The following SLC16A2 variants were observed in gnomAD, a reference collection of about 807,000 sequenced individuals.
SLC16A2 encodes monocarboxylate transporter 8.
Under a neutral mutation model 27.2 loss-of-function variants are expected in SLC16A2, and 3 were observed. That is an observed-to-expected ratio of 0.11 (90% confidence interval 0.05 to 0.28). The LOEUF is 0.28. SLC16A2 is among the 10% of genes least tolerant of loss of function. SLC16A2 has a pLI of 1.00. For synonymous variants in SLC16A2, 202 were observed against 187.8 expected, an observed-to-expected ratio of 1.08 and a Z score of -0.62; for missense variants, 295 against 458.5, an observed-to-expected ratio of 0.64 and a Z score of 3.26.
intron 1 of SLC16A2, among the ~76,000 whole-genome samples, chrX:74,433,609 C>A (rs1297003902): frequency 2.7e-5 from 3 of 111,442 alleles, no homozygotes; most frequent in Non-Finnish European, 5.6e-5. Flanking sequence ...TGTGGTATGC[C>A]CTACTTGTAA....
intron 1 of SLC16A2, among the ~76,000 whole-genome samples, chrX:74,496,632 G>T (rs1929942196): frequency 1.8e-5 from 2 of 112,240 alleles, no homozygotes; most frequent in Admixed American, 9.4e-5. Flanking sequence ...GCTGTGTCCT[G>T]GTGAAGATCA....
chrX:74,454,526 A>G (rs952529463), intron 1 of SLC16A2, among the ~76,000 whole-genome samples: 34 of 101,995 alleles, frequency 3.3e-4, no homozygotes, highest in African/African-American at 9.7e-4. Flanking sequence ...GAATTGAACA[A>G]TGAGAACACA....
chrX:74,442,000 G>A (rs751878381), intron 1 of SLC16A2, among the ~76,000 whole-genome samples: 1 of 109,984 alleles, frequency 9.1e-6, no homozygotes, highest in South Asian at 4.0e-4. Context: ...AGGCCGAGGC[G>A]GGTGGATCAC....
At chrX:74,454,585 G>A (rs1336845229) in intron 1 of SLC16A2, among the ~76,000 whole-genome samples, 5 of 101,396 alleles carry the variant, frequency 4.9e-5, no homozygotes, top group East Asian at 3.2e-4. Context: ...TGTGGGGTGC[G>A]GGGAGGGGGG....
At chrX:74,496,625 G>C (rs1185497785) in intron 1 of SLC16A2, among the ~76,000 whole-genome samples, 4 of 112,369 alleles carry the variant, frequency 3.6e-5, no homozygotes, top group Non-Finnish European at 7.5e-5. Context: ...GCTGCAGGCT[G>C]TGTCCTGGTG....
chrX:74,465,548 G>A (rs1291212462), intron 1 of SLC16A2, among the ~76,000 whole-genome samples: 1 of 111,476 alleles, frequency 9.0e-6, no homozygotes, highest in South Asian at 3.8e-4. Flanking sequence ...AGGCTGCCTG[G>A]GGAGTTGGGA....
chrX:74,428,585 A>ACTGTGG (rs1928463865), intron 1 of SLC16A2, among the ~76,000 whole-genome samples: 6 of 110,935 alleles, frequency 5.4e-5, no homozygotes, highest in Non-Finnish European at 1.1e-4. Flanking sequence ...TGCCAGAGTC[A>ACTGTGG]CAGGCCCACT....
intron 1 of SLC16A2, among the ~76,000 whole-genome samples, chrX:74,464,100 G>A (rs947866023): frequency 1.8e-5 from 2 of 112,215 alleles, no homozygotes; most frequent in Non-Finnish European, 3.8e-5. Flanking sequence ...AGAATAAGGT[G>A]TGTATCAATA....
chrX:74,497,303 G>A lies in SLC16A2; in HGVS notation c.431-23687G>A, dbSNP rs192348663. On this transcript the variant is annotated intron_variant, in intron 1 of 5. Transcript: ENST00000587091. ...TATCACTGGCTGTGCCCATTTCTGG[G>A]GGAGTCAGTTCTGGTTGCTTGGAGA... Among the ~76,000 whole-genome samples the A allele has an allele frequency of 4.5e-5, 5 of 111,061 alleles. No individual in the cohort carries two copies. In the Admixed American group the frequency reaches 4.8e-4, roughly 11 times the overall value.
At chrX:74,453,500 C>T (rs1360938376) in intron 1 of SLC16A2, among the ~76,000 whole-genome samples, 3 of 111,616 alleles carry the variant, frequency 2.7e-5, no homozygotes, top group Non-Finnish European at 5.6e-5. Flanking sequence ...TGCATTTAAA[C>T]CCCACGTAGC....
Position 74,510,383 on chromosome X carries a change from T to TA in SLC16A2, c.431-10595dup, listed in dbSNP as rs763417269. Among the ~76,000 whole-genome samples, 595 of 100,947 alleles carry TA rather than the reference T, an allele frequency of 5.9e-3. 1 individual carries two copies. Among genetic ancestry groups the TA allele is most frequent in the African/African-American group, 0.016 (449 of 27,938 alleles). The allele number at this position is 100,947 out of a possible 115,157, so 87.7% of individuals were successfully genotyped here. On this transcript the variant is annotated intron_variant, in intron 1 of 5. Coordinates refer to ENST00000587091, the MANE Select transcript of SLC16A2 (RefSeq NM_006517.5). ...TTCTCCCAACACTGGTGTGTTTTAG[T>TA]AAAAAAAAAAAACAAAACAAAACAC...
At position 74,421,514 on chromosome X, in the gene SLC16A2, T is replaced by C. The variant is rs771114990; in HGVS notation, c.-124T>C. Reference sequence around the variant, plus strand: ...GGCTGGCCAGCTGGGGCGCGGAGCCTGGAGGAGGAGGCAGCGGCAGCGGCA... The same window carrying C: ...GGCTGGCCAGCTGGGGCGCGGAGCCCGGAGGAGGAGGCAGCGGCAGCGGCA... On this transcript the variant is annotated 5_prime_UTR_variant, in exon 1 of 6. Coordinates refer to ENST00000587091, the MANE Select transcript of SLC16A2 (RefSeq NM_006517.5). The C allele has an allele frequency of 2.1e-4, 201 of 949,483 alleles. No individual in the cohort carries two copies. Among genetic ancestry groups the C allele is most frequent in the East Asian group, 3.6e-4 (11 of 30,215 alleles). The allele number at this position is 949,483 out of a possible 1,213,427, so 78.2% of individuals were successfully genotyped here. A position where few individuals can be genotyped will look rare whatever the true frequency, so the allele number is the denominator to read the frequency against.
chrX:74,511,204 C>CGG (rs1930225637), intron 1 of SLC16A2, among the ~76,000 whole-genome samples: 1 of 109,711 alleles, frequency 9.1e-6, no homozygotes, highest in Non-Finnish European at 1.9e-5. Context: ...TTTTTTGAGA[C>CGG]GGAGTCTCGC....
intron 1 of SLC16A2, among the ~76,000 whole-genome samples, chrX:74,455,646 C>T (rs913989408): frequency 9.1e-6 from 1 of 109,967 alleles, no homozygotes; most frequent in Non-Finnish European, 1.9e-5. Flanking sequence ...ATTTTGCTTC[C>T]GGTATAGAGG....
intron 1 of SLC16A2, among the ~76,000 whole-genome samples, chrX:74,472,834 G>C (rs1042778280): frequency 9.0e-6 from 1 of 110,748 alleles, no homozygotes; most frequent in African/African-American, 3.3e-5. Flanking sequence ...TATACAATTA[G>C]TCACAAATAC....
At chrX:74,514,237 C>A (rs1483240251) in intron 1 of SLC16A2, among the ~76,000 whole-genome samples, 3 of 106,906 alleles carry the variant, frequency 2.8e-5, no homozygotes, top group South Asian at 4.2e-4. Flanking sequence ...AAGCCAGCAA[C>A]CAAGAAATGC....
intron 1 of SLC16A2, among the ~76,000 whole-genome samples, chrX:74,520,096 A>G (rs967310626): frequency 1.8e-5 from 2 of 112,201 alleles, no homozygotes; most frequent in African/African-American, 6.5e-5. Flanking sequence ...GGGCTCCACA[A>G]TTGGAGAGAG....
intron 1 of SLC16A2, among the ~76,000 whole-genome samples, chrX:74,484,694 AT>A (rs1003695989): frequency 9.0e-6 from 1 of 111,641 alleles, no homozygotes; most frequent in Non-Finnish European, 1.9e-5. Context: ...TTTGGTTTAC[AT>A]TTTCCCCTTT....
chrX:74,498,695 CAAGGAAATACT>C (rs1250809318), intron 1 of SLC16A2, among the ~76,000 whole-genome samples: 1 of 111,947 alleles, frequency 8.9e-6, no homozygotes, highest in Admixed American at 9.5e-5. Flanking sequence ...AGTACACTTT[CAAGGAAATACT>C]AAGGAAATGC....
Sources: gnomAD v4.1 joint callset for allele counts (sites outside exome capture counted in the v4.1 genomes callset) on GRCh38, gnomAD v4.1.1 for gene constraint, MANE v1.5 for transcripts, NCBI Gene and HGNC (gene_info 2026-07-23, HGNC 2026-07-21) for gene names.